AMPH: variants seen among roughly 807,000 people sequenced by gnomAD.
AMPH encodes the protein amphiphysin.
A neutral mutation model predicts 99.1 loss-of-function variants in AMPH; 49 were observed. The observed-to-expected ratio is 0.49, with a 90% CI of 0.39 to 0.63. The LOEUF (loss-of-function observed/expected upper bound fraction) is 0.63. Ranked by LOEUF, AMPH falls within the 20% of genes least tolerant of loss-of-function variation. The probability of loss-of-function intolerance (pLI) is 0.00; values close to 1 mark genes in which losing one functional copy is unlikely to be tolerated. For synonymous variants in AMPH, 314 were observed against 317.3 expected (o/e 0.99, Z 0.11); for missense variants, 759 against 863.4 (o/e 0.88, Z 1.52).
intron 1 of AMPH, among the ~76,000 whole-genome samples, chr7:38,615,562 A>G (rs1231571851): frequency 6.6e-6 from 1 of 152,128 alleles, no homozygotes; most frequent in African/African-American, 2.4e-5. Flanking sequence ...AAGAGTAACA[A>G]AAGTGGAAGA....
intron 1 of AMPH, among the ~76,000 whole-genome samples, chr7:38,553,233 G>A (rs1791240619): frequency 6.6e-6 from 1 of 152,170 alleles, no homozygotes; most frequent in Non-Finnish European, 1.5e-5. Context: ...CTGGTCTTTG[G>A]GGGCCTCAAC....
At chr7:38,627,855 T>C (rs1584322620) in intron 1 of AMPH, among the ~76,000 whole-genome samples, 1 of 152,142 alleles carries the variant, frequency 6.6e-6, no homozygotes, top group African/African-American at 2.4e-5. Flanking sequence ...ATTATTATTA[T>C]TAGCAATTAA....
chr7:38,505,426 T>C (rs1435216426), intron 2 of AMPH, among the ~76,000 whole-genome samples: 1 of 152,212 alleles, frequency 6.6e-6, no homozygotes, highest in East Asian at 1.9e-4. Flanking sequence ...CTGGCACGTA[T>C]GAACTTCAAA....
chr7:38,559,439 G>A (rs138676252), intron 1 of AMPH, among the ~76,000 whole-genome samples: 14 of 152,336 alleles, frequency 9.2e-5, no homozygotes, highest in African/African-American at 3.4e-4. Flanking sequence ...CGATGGAATG[G>A]GGAGCCAGGG....
chr7:38,506,021 T>C (rs780975594), intron 2 of AMPH, among the ~76,000 whole-genome samples: 13 of 152,180 alleles, frequency 8.5e-5, no homozygotes, highest in Non-Finnish European at 1.8e-4. Flanking sequence ...TGTGCTACTT[T>C]CAAGCTGAAG....
At chr7:38,510,448 A>G (rs887114928) in intron 2 of AMPH, among the ~76,000 whole-genome samples, 4 of 152,126 alleles carry the variant, frequency 2.6e-5, no homozygotes, top group Non-Finnish European at 5.9e-5. Flanking sequence ...GTAACAATGA[A>G]AGTTTTTGAT....
chr7:38,495,790 G>T lies in AMPH; in HGVS notation c.206-1263C>A, dbSNP rs1218603662. Among the ~76,000 whole-genome samples, 3 of 152,124 alleles carry T rather than the reference G, an allele frequency of 2.0e-5. No homozygotes were observed. In the East Asian group the frequency reaches 5.8e-4, roughly 29 times the overall value. On this transcript the variant is annotated intron_variant, in intron 3 of 20. Coordinates refer to ENST00000356264, the MANE Select transcript of AMPH (RefSeq NM_001635.4). ...ACATTTGATATGTTGCAAAACTATG[G>T]TTTGCAACATTAAAGAATAGCATTA...
In AMPH at chr7:38,624,379, T is replaced by TTATTAG. The variant is rs200479765; in HGVS notation, c.69+6898_69+6903dup. Among the ~76,000 whole-genome samples, 1,428 of 151,842 alleles carry TTATTAG rather than the reference T, an allele frequency of 9.4e-3. 19 individuals are homozygous for TTATTAG. The highest frequency in any genetic ancestry group is 0.026 in the African/African-American group (1,086 of 41,266). The stretch of plus-strand genomic sequence containing the variant: ...AAATAGTCTAACTCCCTTATTATTA[T>TTATTAG]TATTAGTATTAGTATTAGTATTAGT... On this transcript the variant is annotated intron_variant, in intron 1 of 20. Transcript: ENST00000356264.
At chr7:38,571,585 A>T (rs1311284955) in intron 1 of AMPH, among the ~76,000 whole-genome samples, 1 of 145,348 alleles carries the variant, frequency 6.9e-6, no homozygotes, top group Non-Finnish European at 1.5e-5. Context: ...TAAAACTAGA[A>T]AAAAGCTTAT....
chr7:38,447,424 T>C (rs1786829910), intron 11 of AMPH, among the ~76,000 whole-genome samples: 1 of 152,226 alleles, frequency 6.6e-6, no homozygotes, highest in Non-Finnish European at 1.5e-5. Flanking sequence ...GTTTTACTTT[T>C]TGCTTCTCTG....
intron 1 of AMPH, among the ~76,000 whole-genome samples, chr7:38,543,349 C>T (rs1265339268): frequency 6.6e-6 from 1 of 152,092 alleles, no homozygotes; most frequent in African/African-American, 2.4e-5. Context: ...AAAACTCTAC[C>T]CAGGATTTCA....
At chr7:38,387,430 A>G (rs544002370) in intron 20 of AMPH, among the ~76,000 whole-genome samples, 1 of 152,324 alleles carries the variant, frequency 6.6e-6, no homozygotes, top group South Asian at 2.1e-4. Context: ...CAGCCAAGAA[A>G]TGGAAACCCA....
intron 1 of AMPH, among the ~76,000 whole-genome samples, chr7:38,574,970 C>T (rs948135422): frequency 2.0e-5 from 3 of 149,426 alleles, no homozygotes; most frequent in African/African-American, 7.4e-5. Flanking sequence ...AGGAGTATCA[C>T]TTGAACCCAG....
At chr7:38,579,564 G>T (rs1792371202) in intron 1 of AMPH, among the ~76,000 whole-genome samples, 1 of 152,162 alleles carries the variant, frequency 6.6e-6, no homozygotes, top group African/African-American at 2.4e-5. Flanking sequence ...CTTGACTTAT[G>T]TTCAGGTATC....
chr7:38,611,482 T>A (rs1394504516), intron 1 of AMPH, among the ~76,000 whole-genome samples: 1 of 152,224 alleles, frequency 6.6e-6, no homozygotes, highest in African/African-American at 2.4e-5. Flanking sequence ...CACAATAATT[T>A]TTTTTTACAA....
intron 2 of AMPH, among the ~76,000 whole-genome samples, chr7:38,514,083 T>C (rs986037934): frequency 6.6e-6 from 1 of 152,238 alleles, no homozygotes; most frequent in Non-Finnish European, 1.5e-5. Flanking sequence ...TTTCTTTCTA[T>C]AGCTCTCATC....
At chr7:38,495,843 G>A (rs967740307) in intron 3 of AMPH, among the ~76,000 whole-genome samples, 25 of 152,256 alleles carry the variant, frequency 1.6e-4, no homozygotes, top group African/African-American at 6.0e-4. Flanking sequence ...GCACAACATG[G>A]TGACATAAAG....
At chr7:38,466,287 G>T (rs1275728859) in intron 7 of AMPH, 39 bp from the exon 8 acceptor site, 1 of 1,481,912 alleles carries the variant, frequency 6.7e-7, no homozygotes, top group South Asian at 1.2e-5. Context: ...AAGAGAGAGG[G>T]AAAGACCAGT....
intron 1 of AMPH, among the ~76,000 whole-genome samples, chr7:38,599,006 T>C (rs1174121396): frequency 6.6e-6 from 1 of 152,230 alleles, no homozygotes; most frequent in Non-Finnish European, 1.5e-5. Context: ...CTTTAGTGTG[T>C]AACGTGCTCA....
Sources: allele counts gnomAD v4.1 joint callset (sites outside exome capture counted in the v4.1 genomes callset), GRCh38; gene constraint gnomAD v4.1.1; transcripts MANE v1.5; gene names NCBI Gene and HGNC (gene_info 2026-07-23, HGNC 2026-07-21).